ATP7A: variants seen among roughly 807,000 people sequenced by gnomAD.
ATP7A encodes the protein ATPase copper transporting alpha, also known as copper-transporting ATPase 1.
In ATP7A, 7 loss-of-function variants were observed where a neutral mutation model predicts 83.5. The ratio of observed to expected loss-of-function variants is 0.08; its 90% CI spans 0.05 to 0.16. ATP7A has a LOEUF of 0.16. Ranked by LOEUF, ATP7A falls within the 10% of genes least tolerant of loss-of-function variation. ATP7A has a pLI of 1.00. For synonymous variants in ATP7A, 354 were observed against 395.2 expected (o/e 0.90, Z 1.24); for missense variants, 940 against 1,120.8 (o/e 0.84, Z 2.30).
chrX:77,991,976 C>T (rs781830047), intron 4 of ATP7A, among the ~76,000 whole-genome samples: 2 of 109,901 alleles, frequency 1.8e-5, no homozygotes, highest in African/African-American at 3.3e-5. Context: ...GAGCCGTGAT[C>T]GTGTCACTGT....
intron 1 of ATP7A, among the ~76,000 whole-genome samples, chrX:77,948,628 A>G (rs2077397100): frequency 9.0e-6 from 1 of 111,587 alleles, no homozygotes; most frequent in Non-Finnish European, 1.9e-5. Flanking sequence ...ATAATAGGAC[A>G]TTGCAGCCAT....
chrX:77,931,774 C>A (rs1293231931), intron 1 of ATP7A, among the ~76,000 whole-genome samples: 1 of 92,311 alleles, frequency 1.1e-5, no homozygotes, highest in African/African-American at 4.0e-5. Flanking sequence ...GGGGGGCTGA[C>A]CCCCCCCACC....
chrX:77,971,462 G>T (rs1569549372), intron 1 of ATP7A, among the ~76,000 whole-genome samples, 159 bp from the exon 2 acceptor site: 1 of 111,825 alleles, frequency 8.9e-6, no homozygotes, highest in Non-Finnish European at 1.9e-5. Context: ...TAAGCAGGAA[G>T]AATGCTTACC....
At chrX:78,023,474 A>AT (rs371747549) in intron 14 of ATP7A, among the ~76,000 whole-genome samples, 3 of 109,869 alleles carry the variant, frequency 2.7e-5, no homozygotes, top group Non-Finnish European at 5.7e-5. Flanking sequence ...TTATTTTTTG[A>AT]TTTTTTTAAT....
chrX:77,969,697 G>A (rs1441185083), intron 1 of ATP7A: 6 of 1,185,775 alleles, frequency 5.1e-6, no homozygotes, highest in Non-Finnish European at 5.7e-6. Context: ...AAGGTTATAC[G>A]CTGAAAATTC....
At chrX:77,945,932 C>T (rs1285883810) in intron 1 of ATP7A, among the ~76,000 whole-genome samples, 1 of 111,327 alleles carries the variant, frequency 9.0e-6, no homozygotes, top group Non-Finnish European at 1.9e-5. Flanking sequence ...CCCCTAAGGT[C>T]ATCTTATGTG....
In ATP7A at chrX:78,038,965, T is replaced by C. The variant is rs868913949; in HGVS notation, c.3641T>C (p.Val1214Ala). ...CATGAGAGAAAAGGTCGGACTGCTG[T>C]ATTAGTAGCAGTTGATGGTAAGGTT... is the stretch of plus-strand genomic sequence containing the variant. ...TEHERKGRTA[V>A]LVAVDDELCG... Residue 1214 changes from valine to alanine, a missense_variant, in exon 18 of 23, where the codon GTA becomes GCA. By Grantham distance (64) the Val-to-Ala change is moderately conservative (BLOSUM62 0). Around this residue, in one of 3 missense-constraint regions of ATP7A, gnomAD observed 386 missense variants for 502.2 expected, o/e 0.77. Transcript: ENST00000341514. 9 of 1,211,164 alleles carry C rather than the reference T, an allele frequency of 7.4e-6. No homozygotes were observed. The highest frequency in any genetic ancestry group is 8.9e-6 in the Non-Finnish European group (8 of 894,814).
At chrX:77,930,819 CTTAGCTGTCAAAGGCAGCTCTCGACT>C (rs1569548838) in intron 1 of ATP7A, among the ~76,000 whole-genome samples, 3 of 110,299 alleles carry the variant, frequency 2.7e-5, no homozygotes, top group Non-Finnish European at 5.7e-5. Context: ...CAGGGACTTC[CTTAGCTGTCAAAGGCAGCTCTCGACT>C]TTAGATCATG....
intron 4 of ATP7A, 124 bp from the exon 5 acceptor site, chrX:77,998,354 T>C (rs1326532685): frequency 3.8e-5 from 25 of 665,311 alleles, no homozygotes; most frequent in Middle Eastern, 4.1e-4. Context: ...TAACGGATAG[T>C]AGGAACTTGC....
At chrX:77,949,633 G>T (rs1557226596) in intron 1 of ATP7A, among the ~76,000 whole-genome samples, 1 of 112,062 alleles carries the variant, frequency 8.9e-6, no homozygotes, top group African/African-American at 3.2e-5. Flanking sequence ...TGGGAACAAG[G>T]AGTGTGCATC....
intron 1 of ATP7A, among the ~76,000 whole-genome samples, chrX:77,914,808 G>A (rs2077176927): frequency 3.6e-5 from 4 of 111,028 alleles, no homozygotes; most frequent in African/African-American, 1.3e-4. Flanking sequence ...AACACCTAAT[G>A]TTTATTTTTG....
In ATP7A at chrX:78,013,046, C is replaced by T. The variant is rs2077838145; in HGVS notation, c.2340C>T (p.Phe780=). ...GAGCCAAAGTGAACCCTATTACTTT[C>T]TTTGACACACCCCCTATGCTGTTTG... ...YERAKVNPIT[F]FDTPPMLFVF... is the part of the protein sequence containing the mutation. Residue 780 remains phenylalanine, a synonymous_variant, in exon 10 of 23, where the codon TTC becomes TTT. Transcript: ENST00000341514. 8.3e-7 allele frequency: 1 copy of T among 1,208,972 alleles called. No homozygotes were observed. The highest frequency in any genetic ancestry group is 1.8e-5 in the African/African-American group (1 of 57,008).
intron 14 of ATP7A, among the ~76,000 whole-genome samples, chrX:78,024,081 A>G (rs971571475): frequency 9.0e-6 from 1 of 110,698 alleles, no homozygotes; most frequent in Non-Finnish European, 1.9e-5. Context: ...GTTTTTGTCA[A>G]CTTTGTTGAA....
At chrX:77,935,136 A>G (rs2077313233) in intron 1 of ATP7A, among the ~76,000 whole-genome samples, 1 of 111,293 alleles carries the variant, frequency 9.0e-6, no homozygotes, top group African/African-American at 3.3e-5. Context: ...AATTACTTAG[A>G]GTATTGCTGT....
At chrX:77,932,323 C>G (rs1384173538) in intron 1 of ATP7A, among the ~76,000 whole-genome samples, 11 of 104,632 alleles carry the variant, frequency 1.1e-4, no homozygotes, top group African/African-American at 3.6e-4. Context: ...CGGGCAGAGA[C>G]GCTCCTCACT....
At chrX:78,007,477 C>T (rs1377753982) in intron 6 of ATP7A, among the ~76,000 whole-genome samples, 4 of 111,576 alleles carry the variant, frequency 3.6e-5, no homozygotes, top group Non-Finnish European at 7.5e-5. Context: ...AGGCGTCTGC[C>T]ACCATGCCCG....
chrX:78,029,199 G>A lies in ATP7A; in HGVS notation c.2917-51G>A, dbSNP rs782490459. On this transcript the variant is annotated intron_variant, in intron 14 of 22. Transcript: ENST00000341514. ...AATAGTGTTAAGTTTTGTGTCTTTT[G>A]TTTTGTACAGCTCTAAATCAATAAC... The A allele has an allele frequency of 6.1e-6, 7 of 1,145,332 alleles. No individual in the cohort carries two copies. The Admixed American group carries it at 1.1e-4, about 18-fold the overall frequency. The allele number at this position is 1,145,332 out of a possible 1,213,427, so 94.4% of individuals were successfully genotyped here.
Position 78,009,277 on chromosome X carries a change from AT to A in ATP7A, c.1869+17del, listed in dbSNP as rs1557234116. On this transcript the variant is annotated intron_variant, in intron 7 of 22. Coordinates refer to ENST00000341514, the MANE Select transcript of ATP7A (RefSeq NM_000052.7). ...CATACAATTGAAGTAAGTGCCAAGA[AT>A]TTATGTTTCTGTGTTCTTACCTATT... The A allele has an allele frequency of 2.5e-6, 3 of 1,199,379 alleles. No homozygotes were observed. In the African/African-American group the frequency reaches 5.3e-5, roughly 21 times the overall value.
At chrX:77,916,983 T>C (rs1008805940) in intron 1 of ATP7A, among the ~76,000 whole-genome samples, 1 of 111,727 alleles carries the variant, frequency 9.0e-6, no homozygotes, top group Non-Finnish European at 1.9e-5. Context: ...AGGTGGGACT[T>C]CAGTTCATTT....
Sources: allele counts gnomAD v4.1 joint callset (sites outside exome capture counted in the v4.1 genomes callset), GRCh38; gene constraint gnomAD v4.1.1; regional missense constraint gnomAD v4.1.1; transcripts MANE v1.5; gene names NCBI Gene and HGNC (gene_info 2026-07-23, HGNC 2026-07-21).